IFIH1: variants seen among roughly 807,000 people sequenced by gnomAD.
IFIH1 encodes interferon induced with helicase C domain 1.
In IFIH1, 125 loss-of-function variants were observed where a neutral mutation model predicts 107.4. The observed-to-expected ratio is 1.16, with a 90% CI of 1.01 to 1.35. IFIH1 has a LOEUF of 1.35. IFIH1 is among the 40% of genes most tolerant of loss of function. The pLI, the probability that IFIH1 is intolerant of heterozygous loss-of-function variation, is 0.00. For synonymous variants in IFIH1, 458 were observed against 413.2 expected (o/e 1.11, Z -1.31); for missense variants, 1,333 against 1,213.7 (o/e 1.10, Z -1.46).
intron 5 of IFIH1, among the ~76,000 whole-genome samples, chr2:162,287,262 T>C (rs1257961251): frequency 6.6e-6 from 1 of 151,734 alleles, no homozygotes; most frequent in Admixed American, 6.6e-5. Flanking sequence ...AAATAAAAAA[T>C]AGAATATTTT....
intron 13 of IFIH1, 27 bp from the exon 14 acceptor site, chr2:162,268,304 G>C (rs766412622): frequency 6.1e-6 from 9 of 1,478,802 alleles, no homozygotes; most frequent in African/African-American, 1.4e-5. Flanking sequence ...ATAGTTAGTG[G>C]TTTCAGGTTT....
At chr2:162,272,534 G>A in intron 12 of IFIH1, 147 bp from the exon 13 acceptor site, 2 of 654,552 alleles carry the variant, frequency 3.1e-6, no homozygotes, top group Non-Finnish European at 5.3e-6. Context: ...AGTTAGTAAA[G>A]TTAGTTATTA....
intron 13 of IFIH1, 23 bp downstream of exon 13, chr2:162,272,203 A>C: frequency 6.3e-7 from 1 of 1,597,698 alleles, no homozygotes; most frequent in Middle Eastern, 1.7e-4. Context: ...ATGAAAATCA[A>C]ATTCAGAGGT....
chr2:162,318,212 C>G lies in IFIH1; in HGVS notation c.96G>C (p.Leu32=), dbSNP rs1683550487. The G allele has an allele frequency of 6.2e-7, 1 of 1,614,166 alleles. No homozygotes were observed. The highest frequency in any genetic ancestry group is 2.2e-5 in the East Asian group (1 of 44,880). Residue 32 remains leucine (L), a synonymous_variant, in exon 1 of 16, where the codon CTG becomes CTC. Coordinates refer to ENST00000649979, the MANE Select transcript of IFIH1 (RefSeq NM_022168.4). ...VKMYIQVEPV[L]DYLTFLPAEV... ...CTGCAGGCAGAAAGGTCAGGTAGTCCAGCACAGGCTCCACCTGGATGTACA... is the reference window on the plus strand; with the variant it reads ...CTGCAGGCAGAAAGGTCAGGTAGTCGAGCACAGGCTCCACCTGGATGTACA...
At chr2:162,286,273 G>A (rs560291584) in intron 5 of IFIH1, among the ~76,000 whole-genome samples, 1 of 152,122 alleles carries the variant, frequency 6.6e-6, no homozygotes, top group South Asian at 2.1e-4. Context: ...TTAGGCTGGA[G>A]AATTAGGACT....
chr2:162,295,578 ATACT>A (rs777424410), intron 3 of IFIH1, among the ~76,000 whole-genome samples: 23 of 152,188 alleles, frequency 1.5e-4, no homozygotes, highest in Admixed American at 2.6e-4. Context: ...ATGGACATAC[ATACT>A]GTTTAAGTAT....
At position 162,318,124 on chromosome 2, in the gene IFIH1, G is replaced by A. The variant is rs1409487848; in HGVS notation, c.184C>T (p.Leu62=). The A allele has an allele frequency of 6.2e-7, 1 of 1,614,116 alleles. No individual in the cohort carries two copies. The highest frequency in any genetic ancestry group is 2.2e-5 in the East Asian group (1 of 44,892). ...TSGNMQAVEL[L]LSTLEKGVWH... ...ACTCCCTTCTCCAAGGTGCTCAGCAGCAGTTCAACTGCCTGCATGTTCCCG... is the reference window on the plus strand; with the variant it reads ...ACTCCCTTCTCCAAGGTGCTCAGCAACAGTTCAACTGCCTGCATGTTCCCG... Residue 62 remains leucine (L), a synonymous_variant, in exon 1 of 16, where the codon CTG becomes TTG. Transcript: ENST00000649979.
intron 3 of IFIH1, among the ~76,000 whole-genome samples, chr2:162,298,695 C>A (rs1305310445): frequency 6.6e-6 from 1 of 152,072 alleles, no homozygotes; most frequent in Non-Finnish European, 1.5e-5. Context: ...TATTTCCTTT[C>A]CTTTTGAAAT....
At position 162,318,312 on chromosome 2, in the gene IFIH1, C is replaced by T. The variant is rs781260375; in HGVS notation, c.-5G>A. 6.2e-7 allele frequency: 1 copy of T among 1,608,064 alleles called. No individual in the cohort carries two copies. The highest frequency in any genetic ancestry group is 2.2e-5 in the East Asian group (1 of 44,772). ...TGTGGAATACCCATTCGACATCTTT[C>T]TTTCTCAGAGAAGGGAGAGGGTTCT... is the stretch of plus-strand genomic sequence containing the variant. On this transcript the variant is annotated 5_prime_UTR_variant, in exon 1 of 16. Coordinates refer to ENST00000649979, the MANE Select transcript of IFIH1 (RefSeq NM_022168.4).
chr2:162,318,231 A>T lies in IFIH1; in HGVS notation c.77T>A (p.Ile26Asn), dbSNP rs1442046271. The change falls in exon 1 of 16, where the codon ATC (isoleucine) becomes AAC (asparagine). Residue 26 changes from isoleucine (I) to asparagine (N), a missense_variant. Physicochemically the swap from Ile to Asn is moderately radical, Grantham distance 149. Coordinates refer to ENST00000649979, the MANE Select transcript of IFIH1 (RefSeq NM_022168.4). ...SCFRARVKMYIQVEPVLDYLT... is the reference protein window; with the variant it reads ...SCFRARVKMYNQVEPVLDYLT... Reference sequence around the variant, plus strand: ...GTAGTCCAGCACAGGCTCCACCTGGATGTACATTTTCACCCTGGCCCTGAA... The same window carrying T: ...GTAGTCCAGCACAGGCTCCACCTGGTTGTACATTTTCACCCTGGCCCTGAA... The T allele has an allele frequency of 5.5e-5, 88 of 1,614,008 alleles. No individual in the cohort carries two copies. Among genetic ancestry groups the T allele is most frequent in the Non-Finnish European group, 7.2e-5 (85 of 1,180,024 alleles).
chr2:162,267,515 A>C lies in IFIH1; in HGVS notation c.2862T>G (p.Tyr954Ter), dbSNP rs750063177. The C allele has an allele frequency of 3.7e-5, 59 of 1,613,882 alleles. 1 individual carries two copies. In the South Asian group the frequency reaches 6.3e-4, roughly 17 times the overall value. The change falls in exon 15 of 16, where the codon TAT becomes TAG. Residue 954 changes from tyrosine to a stop codon, truncating the protein, a stop_gained. Coordinates refer to ENST00000649979, the MANE Select transcript of IFIH1 (RefSeq NM_022168.4). LOFTEE classifies it high-confidence loss of function. Reference protein sequence around the residue: ...NKALQKKCADYQINGEIICKC... With the variant: ...NKALQKKCAD The stretch of plus-strand genomic sequence containing the variant: ...TGCAGATGATTTCACCATTTATTTG[A>C]TAGTCGGCACACTTCTTTTGCAGTG...
chr2:162,317,866 C>T lies in IFIH1; in HGVS notation c.442G>A (p.Asp148Asn), dbSNP rs1683533087. 1.3e-6 allele frequency: 2 copies of T among 1,580,002 alleles called. No individual in the cohort carries two copies. Residue 148 changes from aspartate to asparagine, a missense_variant, in exon 1 of 16, where the codon GAC (aspartate) becomes AAC (asparagine). By Grantham distance (23) the Asp-to-Asn change is conservative. Coordinates refer to ENST00000649979, the MANE Select transcript of IFIH1 (RefSeq NM_022168.4). Reference sequence around the variant, plus strand: ...GAACAGACACCTACCCGGTTTCTGTCTTCAATTGTCAACAGTTCCTCCTCC... The same window carrying T: ...GAACAGACACCTACCCGGTTTCTGTTTTCAATTGTCAACAGTTCCTCCTCC... Reference protein sequence around the residue: ...CMEEELLTIEDRNRIAAAENN... With the variant: ...CMEEELLTIENRNRIAAAENN...
chr2:162,293,834 GA>G (rs1683041485), intron 3 of IFIH1, among the ~76,000 whole-genome samples, 166 bp from the exon 4 acceptor site: 1 of 151,818 alleles, frequency 6.6e-6, no homozygotes, highest in Non-Finnish European at 1.5e-5. Flanking sequence ...GCTACATTAA[GA>G]AAAATCCACT....
chr2:162,280,703 A>G (rs2105201041), intron 7 of IFIH1, among the ~76,000 whole-genome samples: 1 of 152,190 alleles, frequency 6.6e-6, no homozygotes, highest in African/African-American at 2.4e-5. Flanking sequence ...TCTACTCTAC[A>G]TAATTTGTAT....
At chr2:162,270,035 T>C (rs888204658) in intron 13 of IFIH1, among the ~76,000 whole-genome samples, 1 of 151,876 alleles carries the variant, frequency 6.6e-6, no homozygotes, top group East Asian at 1.9e-4. Context: ...TATGAATGAG[T>C]CAGAAAAAAA....
chr2:162,317,933 C>T lies in IFIH1; in HGVS notation c.375G>A (p.Leu125=). 6.2e-7 allele frequency: 1 copy of T among 1,614,054 alleles called. No homozygotes were observed. The highest frequency in any genetic ancestry group is 8.5e-7 in the Non-Finnish European group (1 of 1,179,972). Residue 125 remains leucine, a synonymous_variant, in exon 1 of 16, where the codon CTG becomes CTA. Transcript: ENST00000649979. ...LQLLNLLQPT[L]VDKLLVRDVL... Reference sequence around the variant, plus strand: ...CGTCTCTAACTAGAAGCTTGTCCACCAGAGTGGGCTGAAGGAGGTTCAGCA... The same window carrying T: ...CGTCTCTAACTAGAAGCTTGTCCACTAGAGTGGGCTGAAGGAGGTTCAGCA...
At chr2:162,274,609 T>G (rs1361675839) in intron 11 of IFIH1, among the ~76,000 whole-genome samples, 1 of 152,058 alleles carries the variant, frequency 6.6e-6, no homozygotes, top group African/African-American at 2.4e-5. Flanking sequence ...AAAGAAGAGG[T>G]TATGCAACTG....
intron 6 of IFIH1, among the ~76,000 whole-genome samples, chr2:162,282,062 A>G (rs1052813675): frequency 4.6e-5 from 7 of 151,890 alleles, no homozygotes; most frequent in African/African-American, 1.7e-4. Flanking sequence ...CAAGATTTGT[A>G]TTTTTATTCT....
intron 11 of IFIH1, among the ~76,000 whole-genome samples, chr2:162,274,745 A>G (rs939464517): frequency 2.0e-5 from 3 of 152,148 alleles, no homozygotes; most frequent in African/African-American, 7.2e-5. Context: ...GATATGGACA[A>G]TGTGGTTTTA....
Sources: allele counts gnomAD v4.1 joint callset (sites outside exome capture counted in the v4.1 genomes callset), GRCh38; gene constraint gnomAD v4.1.1; transcripts MANE v1.5; gene names NCBI Gene and HGNC (gene_info 2026-07-23, HGNC 2026-07-21).